FCHSD2: variants seen among roughly 807,000 people sequenced by gnomAD.
The protein encoded by FCHSD2 is F-BAR and double SH3 domains protein 2.
In FCHSD2, 38 loss-of-function variants were observed where a neutral mutation model predicts 108.1. The ratio of observed to expected loss-of-function variants is 0.35; its 90% CI spans 0.27 to 0.46. The LOEUF (loss-of-function observed/expected upper bound fraction) is 0.46. Ranked by LOEUF, FCHSD2 falls within the 20% of genes least tolerant of loss-of-function variation. The probability of loss-of-function intolerance (pLI) is 1.00; values close to 1 mark genes in which losing one functional copy is unlikely to be tolerated. For synonymous variants in FCHSD2, 279 were observed against 314.7 expected (o/e 0.89, Z 1.20); for missense variants, 751 against 897.8 (o/e 0.84, Z 2.09).
intron 3 of FCHSD2, among the ~76,000 whole-genome samples, chr11:73,039,210 C>T (rs574651100): frequency 4.6e-5 from 7 of 150,706 alleles, no homozygotes; most frequent in Admixed American, 2.7e-4. Context: ...CCTCATAAAC[C>T]TACCTCCATA....
At chr11:73,010,957 G>A (rs1379636025) in intron 4 of FCHSD2, among the ~76,000 whole-genome samples, 1 of 152,138 alleles carries the variant, frequency 6.6e-6, no homozygotes, top group Non-Finnish European at 1.5e-5. Context: ...AGCAGTGTAT[G>A]CTGGTGTTGG....
chr11:72,960,630 A>C (rs1029454386), intron 8 of FCHSD2, among the ~76,000 whole-genome samples: 2 of 152,146 alleles, frequency 1.3e-5, no homozygotes, highest in Admixed American at 1.3e-4. Flanking sequence ...ACTGAAACCT[A>C]TTTGCCATTC....
intron 3 of FCHSD2, among the ~76,000 whole-genome samples, chr11:73,018,434 A>C (rs1449169708): frequency 6.6e-6 from 1 of 151,788 alleles, no homozygotes; most frequent in Non-Finnish European, 1.5e-5. Context: ...AACTCTATTT[A>C]TGCATAATCA....
chr11:72,970,336 T>TA (rs1856985464), intron 8 of FCHSD2, among the ~76,000 whole-genome samples: 1 of 152,186 alleles, frequency 6.6e-6, no homozygotes, highest in African/African-American at 2.4e-5. Context: ...TAAAAATACT[T>TA]ACAATTCTAA....
At chr11:72,845,087 G>T (rs991640645) in intron 14 of FCHSD2, among the ~76,000 whole-genome samples, 22 of 152,126 alleles carry the variant, frequency 1.4e-4, no homozygotes, top group Admixed American at 1.2e-3. Flanking sequence ...AGCAAACCAG[G>T]GAGGTAGTAC....
At chr11:72,893,709 C>T (rs1855364601) in intron 10 of FCHSD2, among the ~76,000 whole-genome samples, 1 of 151,196 alleles carries the variant, frequency 6.6e-6, no homozygotes, top group Non-Finnish European at 1.5e-5. Flanking sequence ...GATCGTGGCA[C>T]TGCACTCCAG....
chr11:72,976,630 T>C (rs530045089), intron 8 of FCHSD2, among the ~76,000 whole-genome samples: 56 of 152,208 alleles, frequency 3.7e-4, no homozygotes, highest in African/African-American at 1.3e-3. Context: ...ACTGGAGGAA[T>C]CACATTACCT....
intron 3 of FCHSD2, among the ~76,000 whole-genome samples, chr11:73,077,969 A>C (rs939901999): frequency 6.6e-5 from 10 of 152,206 alleles, no homozygotes; most frequent in African/African-American, 2.4e-4. Flanking sequence ...TGAGGGCAGT[A>C]ATGGCAGGGA....
chr11:72,958,779 C>G (rs1213964734), intron 8 of FCHSD2, among the ~76,000 whole-genome samples: 1 of 151,920 alleles, frequency 6.6e-6, no homozygotes, highest in Non-Finnish European at 1.5e-5. Flanking sequence ...CTATTTTAAC[C>G]AAATCTCCCT....
At chr11:72,954,552 G>A (rs961343311) in intron 8 of FCHSD2, among the ~76,000 whole-genome samples, 1 of 152,038 alleles carries the variant, frequency 6.6e-6, no homozygotes, top group Non-Finnish European at 1.5e-5. Context: ...TGAATGAGGG[G>A]TTTGGAGTGG....
chr11:72,934,171 CA>C (rs1856253435), intron 8 of FCHSD2, among the ~76,000 whole-genome samples: 1 of 143,298 alleles, frequency 7.0e-6, no homozygotes, highest in South Asian at 2.2e-4. Context: ...ATAAAAGTAT[CA>C]TAACAGTTTG....
intron 3 of FCHSD2, among the ~76,000 whole-genome samples, chr11:73,028,593 T>C (rs1430522375): frequency 6.6e-6 from 1 of 152,182 alleles, no homozygotes; most frequent in African/African-American, 2.4e-5. Flanking sequence ...TGGTGGACTG[T>C]TGAGACGGCA....
At chr11:73,113,189 T>C (rs1286027276) in intron 2 of FCHSD2, among the ~76,000 whole-genome samples, 1 of 152,032 alleles carries the variant, frequency 6.6e-6, no homozygotes, top group Non-Finnish European at 1.5e-5. Flanking sequence ...GCTAAGCTTA[T>C]CTGATAGAAT....
Position 72,840,764 on chromosome 11 carries a change from A to G in FCHSD2, c.2139+113T>C. ...CTTTTTACCTTCCCAAACCCAGTTC[A>G]TCCTTGTTTGGCATAGTCAGTAACA... On this transcript the variant is annotated intron_variant, in intron 19 of 19. Coordinates refer to ENST00000409418, the MANE Select transcript of FCHSD2 (RefSeq NM_014824.3). 4.1e-6 allele frequency: 3 copies of G among 737,452 alleles called. No individual in the cohort carries two copies. In the South Asian group the frequency reaches 4.7e-5, roughly 11 times the overall value. The allele number at this position is 737,452 out of a possible 1,614,324, so 45.7% of individuals were successfully genotyped here.
At chr11:72,874,681 G>T (rs966228248) in intron 12 of FCHSD2, among the ~76,000 whole-genome samples, 1 of 152,102 alleles carries the variant, frequency 6.6e-6, no homozygotes, top group Non-Finnish European at 1.5e-5. Context: ...GATTTTGTCA[G>T]TATTTTATCA....
At chr11:73,070,454 C>T (rs920917007) in intron 3 of FCHSD2, among the ~76,000 whole-genome samples, 3 of 152,118 alleles carry the variant, frequency 2.0e-5, no homozygotes, top group Non-Finnish European at 2.9e-5. Flanking sequence ...GATACAGTCT[C>T]GTTCTGTCGC....
chr11:72,905,919 A>T (rs1158510088), intron 9 of FCHSD2, among the ~76,000 whole-genome samples: 1 of 152,196 alleles, frequency 6.6e-6, no homozygotes, highest in Non-Finnish European at 1.5e-5. Flanking sequence ...GTGTCTTTAT[A>T]GCAGAATGAT....
At chr11:73,116,448 A>G (rs997149781) in intron 2 of FCHSD2, among the ~76,000 whole-genome samples, 2 of 152,212 alleles carry the variant, frequency 1.3e-5, no homozygotes, top group Non-Finnish European at 2.9e-5. Context: ...ATTCCATAAA[A>G]TAAGTATTAT....
At chr11:72,954,003 C>T (rs1184491569) in intron 8 of FCHSD2, among the ~76,000 whole-genome samples, 2 of 151,946 alleles carry the variant, frequency 1.3e-5, no homozygotes. Context: ...GAACAGAAGC[C>T]ACTAGTAGGT....
Sources: gnomAD v4.1 joint callset for allele counts (sites outside exome capture counted in the v4.1 genomes callset) on GRCh38, gnomAD v4.1.1 for gene constraint, MANE v1.5 for transcripts, NCBI Gene and HGNC (gene_info 2026-07-23, HGNC 2026-07-21) for gene names.